WDR93: variants seen among roughly 807,000 people sequenced by gnomAD.
The protein encoded by WDR93 is WD repeat-containing protein 93.
In WDR93, 73 loss-of-function variants were observed where a neutral mutation model predicts 82.9. The ratio of observed to expected loss-of-function variants is 0.88; its 90% CI spans 0.73 to 1.07. The LOEUF (loss-of-function observed/expected upper bound fraction) is 1.07, where lower values mean the gene tolerates loss of function less well. WDR93 is among the 50% of genes least tolerant of loss of function. The pLI is 0.00. For synonymous variants in WDR93, 283 were observed against 300.1 expected (o/e 0.94, Z 0.59); for missense variants, 738 against 826.0 (o/e 0.89, Z 1.31).
chr15:89,708,254 T>G (rs1046771801), intron 4 of WDR93, among the ~76,000 whole-genome samples: 1 of 152,174 alleles, frequency 6.6e-6, no homozygotes, highest in Non-Finnish European at 1.5e-5. Flanking sequence ...AACATGCTAT[T>G]ATGTCATGAT....
At chr15:89,740,058 G>T (rs941521928) in intron 16 of WDR93, among the ~76,000 whole-genome samples, 3 of 152,196 alleles carry the variant, frequency 2.0e-5, no homozygotes, top group African/African-American at 7.2e-5. Context: ...TGAGATGCCA[G>T]GCTGTGTTCT....
At chr15:89,693,375 A>T (rs905265175) in intron 1 of WDR93, among the ~76,000 whole-genome samples, 1 of 152,208 alleles carries the variant, frequency 6.6e-6, no homozygotes, top group Non-Finnish European at 1.5e-5. Flanking sequence ...GGTTGTTTCC[A>T]CTTTGGGGCT....
At chr15:89,693,687 C>T (rs569532080) in intron 1 of WDR93, among the ~76,000 whole-genome samples, 22 of 152,280 alleles carry the variant, frequency 1.4e-4, no homozygotes, top group Admixed American at 3.9e-4. Flanking sequence ...TGGATCCCTG[C>T]CATTATCCAC....
chr15:89,695,808 C>G (rs1293099059), intron 1 of WDR93, among the ~76,000 whole-genome samples: 1 of 129,772 alleles, frequency 7.7e-6, no homozygotes, highest in South Asian at 2.6e-4. Context: ...CTCCCTCATG[C>G]TGTCCTTTTT....
Position 89,714,961 on chromosome 15 carries a change from C to G in WDR93, c.641-19C>G, listed in dbSNP as rs759472544. 2 of 1,603,368 alleles carry G rather than the reference C, an allele frequency of 1.2e-6. No individual in the cohort carries two copies. The highest frequency in any genetic ancestry group is 4.5e-5 in the East Asian group (2 of 44,812). ...GCTCTCTTACAGTTGCTCAATGGTT[C>G]TCTGGTTTCCCAATGCAGGAGCCGG... On this transcript the variant is annotated intron_variant, in intron 5 of 16. Coordinates refer to ENST00000268130, the MANE Select transcript of WDR93 (RefSeq NM_020212.2).
intron 12 of WDR93, among the ~76,000 whole-genome samples, chr15:89,732,136 G>A (rs1234701625): frequency 6.6e-6 from 1 of 152,212 alleles, no homozygotes; most frequent in Non-Finnish European, 1.5e-5. Flanking sequence ...TCAGCCTCTA[G>A]AGAAGCAGCT....
chr15:89,738,402 G>A (rs1266608479), intron 16 of WDR93, among the ~76,000 whole-genome samples, 166 bp downstream of exon 16: 1 of 151,892 alleles, frequency 6.6e-6, no homozygotes, highest in Non-Finnish European at 1.5e-5. Flanking sequence ...CGAGGCAGGC[G>A]GATCACCTGA....
chr15:89,719,596 C>G (rs574508662), intron 7 of WDR93: 7 of 152,106 alleles, frequency 4.6e-5, no homozygotes, highest in African/African-American at 1.7e-4. Flanking sequence ...TTTGTGTCTT[C>G]TCTCTTTTTT....
At chr15:89,707,546 C>CA (rs1965774433) in intron 4 of WDR93, among the ~76,000 whole-genome samples, 1 of 151,558 alleles carries the variant, frequency 6.6e-6, no homozygotes. Flanking sequence ...AAGACTGTTT[C>CA]AAAACACACA....
intron 16 of WDR93, 60 bp from the exon 17 acceptor site, chr15:89,743,232 G>C: frequency 6.3e-7 from 1 of 1,574,856 alleles, no homozygotes; most frequent in Non-Finnish European, 8.7e-7. Flanking sequence ...TCTGCCCTGG[G>C]GGCTCGGGAG....
intron 13 of WDR93, among the ~76,000 whole-genome samples, chr15:89,734,777 G>A (rs1243113612): frequency 1.3e-5 from 2 of 152,038 alleles, no homozygotes; most frequent in African/African-American, 4.8e-5. Context: ...TTGAGCTCAG[G>A]AGTTCAAGAC....
chr15:89,736,356 C>T (rs540927926), intron 14 of WDR93, among the ~76,000 whole-genome samples: 1 of 152,162 alleles, frequency 6.6e-6, no homozygotes, highest in African/African-American at 2.4e-5. Context: ...GCCTACAGGA[C>T]CCCCAGGGGA....
At chr15:89,703,828 A>G (rs1965593704) in intron 3 of WDR93, 1 of 152,762 alleles carries the variant, frequency 6.5e-6, no homozygotes, top group Non-Finnish European at 1.5e-5. Context: ...CTGTGAAGGC[A>G]TGCATCTCTC....
At chr15:89,732,006 T>C (rs1966864698) in intron 12 of WDR93, among the ~76,000 whole-genome samples, 1 of 152,222 alleles carries the variant, frequency 6.6e-6, no homozygotes, top group African/African-American at 2.4e-5. Context: ...CTAAGAGACC[T>C]ATAAAGCAGT....
In WDR93 at chr15:89,738,150, T is replaced by C. The variant is rs35017767; in HGVS notation, c.1875T>C (p.Cys625=). ...CPLLENISKN[C]TIPQRDLDNM... ...TCCTGGAAAATATCTCAAAAAATTG[T>C]ACCATTCCTCAAAGGGACTTGGATA... The change falls in exon 16 of 17, where the codon TGT becomes TGC. Residue 625 remains cysteine (C), a synonymous_variant. Transcript: ENST00000268130. 8.4e-3 allele frequency: 13,635 copies of C among 1,614,184 alleles called. 1,055 individuals carry two copies. In the African/African-American group the frequency reaches 0.16, roughly 19 times the overall value.
chr15:89,743,384 A>G lies in WDR93; in HGVS notation c.2054A>G (p.Lys685Arg). The change falls in exon 17 of 17, where the codon AAG (lysine) becomes AGG (arginine). Residue 685 changes from lysine to arginine, a missense_variant. Transcript: ENST00000268130. ...YSLSLQRENF[K>R]K ...TTGTCGCTCCAGAGAGAGAACTTCA[A>G]GAAGTGAGGCTGCCACCGCCCTGGG... 1 of 1,614,204 alleles carries G rather than the reference A, an allele frequency of 6.2e-7. No homozygotes were observed. The highest frequency in any genetic ancestry group is 2.2e-5 in the East Asian group (1 of 44,884).
chr15:89,701,693 A>G lies in WDR93; in HGVS notation c.-40-14A>G. 1 of 1,558,164 alleles carries G rather than the reference A, an allele frequency of 6.4e-7. No homozygotes were observed. Among genetic ancestry groups the G allele is most frequent in the Non-Finnish European group, 8.7e-7 (1 of 1,151,686 alleles). Reference sequence around the variant, plus strand: ...CCTTTCTTCCAGAATTCCTTTGTTTACTTCTCTTATCAGCTTTTCAGTTTC... The same window carrying G: ...CCTTTCTTCCAGAATTCCTTTGTTTGCTTCTCTTATCAGCTTTTCAGTTTC... On this transcript the variant is annotated splice_polypyrimidine_tract_variant and intron_variant, in intron 1 of 16. Coordinates refer to ENST00000268130, the MANE Select transcript of WDR93 (RefSeq NM_020212.2).
At position 89,738,023 on chromosome 15, in the gene WDR93, G is replaced by T; in HGVS notation, c.1766-18G>T. The T allele has an allele frequency of 6.3e-7, 1 of 1,594,212 alleles. No individual in the cohort carries two copies. Among genetic ancestry groups the T allele is most frequent in the Non-Finnish European group, 8.5e-7 (1 of 1,170,026 alleles). On this transcript the variant is annotated intron_variant, in intron 15 of 16. Coordinates refer to ENST00000268130, the MANE Select transcript of WDR93 (RefSeq NM_020212.2). ...AAGCGATTGTTACACAGAACATGGT[G>T]TTCTTGTCTCGTCACAGGAGACTAT...
chr15:89,722,142 A>T lies in WDR93; in HGVS notation c.880+3A>T, dbSNP rs758710331. ...CAAACCACCTAAGCCTGTTACAGGT[A>T]AGTGTGATTCAAATCTCTCTCCTTT... On this transcript the variant is annotated splice_donor_region_variant and intron_variant, in intron 8 of 16. Coordinates refer to ENST00000268130, the MANE Select transcript of WDR93 (RefSeq NM_020212.2). 1 of 1,587,106 alleles carries T rather than the reference A, an allele frequency of 6.3e-7. No homozygotes were observed. The highest frequency in any genetic ancestry group is 8.6e-7 in the Non-Finnish European group (1 of 1,164,172).
Sources: allele counts gnomAD v4.1 joint callset (sites outside exome capture counted in the v4.1 genomes callset), GRCh38; gene constraint gnomAD v4.1.1; transcripts MANE v1.5; gene names NCBI Gene and HGNC (gene_info 2026-07-23, HGNC 2026-07-21).